MANBA: variants seen among roughly 807,000 people sequenced by gnomAD.
The protein encoded by MANBA is mannosidase beta.
Under a neutral mutation model 111.1 loss-of-function variants are expected in MANBA, and 83 were observed. That is an observed-to-expected ratio of 0.75 (90% CI 0.63 to 0.90). The LOEUF is 0.90. Among genes scored for constraint, MANBA ranks in the 40% least tolerant of loss-of-function variants. The pLI, the probability that MANBA is intolerant of heterozygous loss-of-function variation, is 0.00. For synonymous variants in MANBA, 370 were observed against 378.7 expected, an observed-to-expected ratio of 0.98 and a Z score of 0.27; for missense variants, 1,036 against 1,069.0, an observed-to-expected ratio of 0.97 and a Z score of 0.43.
chr4:102,655,447 A>G (rs1459565777), intron 12 of MANBA, among the ~76,000 whole-genome samples: 1 of 152,242 alleles, frequency 6.6e-6, no homozygotes, highest in Non-Finnish European at 1.5e-5. Context: ...AAGACAGTGC[A>G]TAGTGACATG....
chr4:102,730,599 G>C (rs540645461), intron 1 of MANBA: 3 of 541,544 alleles, frequency 5.5e-6, no homozygotes, highest in South Asian at 1.4e-5. Context: ...CACTCCCAAA[G>C]CCTGACAAGT....
chr4:102,708,494 A>C (rs1721855679), intron 5 of MANBA, among the ~76,000 whole-genome samples: 1 of 152,186 alleles, frequency 6.6e-6, no homozygotes, highest in African/African-American at 2.4e-5. Context: ...TATGGAATAC[A>C]GCAAAAGCAG....
rs572011736 is a variant in MANBA, at chr4:102,741,902, A to G, written c.178-15219T>C. Among the ~76,000 whole-genome samples the G allele has an allele frequency of 3.8e-3, 578 of 152,288 alleles. 1 individual carries two copies. The highest frequency in any genetic ancestry group is 6.0e-3 in the Non-Finnish European group (405 of 68,016). On this transcript the variant is annotated intron_variant, in intron 1 of 16. Coordinates refer to ENST00000647097, the MANE Select transcript of MANBA (RefSeq NM_005908.4). ...TCATGTTACCAAACAGCACCTCAGG[A>G]GGTCATGGTTTTTTTCCTGGTAAAG...
intron 11 of MANBA, among the ~76,000 whole-genome samples, chr4:102,661,324 T>TA (rs1312250320): frequency 1.3e-5 from 2 of 152,148 alleles, no homozygotes; most frequent in Non-Finnish European, 2.9e-5. Flanking sequence ...TTATAGCACT[T>TA]TTTTTAACTG....
intron 7 of MANBA, among the ~76,000 whole-genome samples, chr4:102,677,862 T>C (rs1451004110): frequency 6.6e-6 from 1 of 152,188 alleles, no homozygotes; most frequent in African/African-American, 2.4e-5. Context: ...ATAAGTCATA[T>C]ATAAAAACAG....
chr4:102,702,756 T>C (rs1049010659), intron 5 of MANBA, among the ~76,000 whole-genome samples: 2 of 151,876 alleles, frequency 1.3e-5, no homozygotes, highest in African/African-American at 4.9e-5. Flanking sequence ...GCCTTCTTTC[T>C]GTCATACACA....
intron 2 of MANBA, among the ~76,000 whole-genome samples, chr4:102,725,983 C>T (rs1184667816): frequency 4.6e-5 from 7 of 151,958 alleles, no homozygotes; most frequent in African/African-American, 7.3e-5. Context: ...AGAACCATTA[C>T]GAAAGATATT....
rs1490426078 is a variant in MANBA, at chr4:102,722,091, C to A, written c.549+780G>T. Among the ~76,000 whole-genome samples the A allele has an allele frequency of 2.0e-5, 3 of 148,526 alleles. No individual in the cohort carries two copies. The East Asian group carries it at 5.9e-4, about 29-fold the overall frequency. On this transcript the variant is annotated intron_variant, in intron 4 of 16. Coordinates refer to ENST00000647097, the MANE Select transcript of MANBA (RefSeq NM_005908.4). ...AGAGTAGAATGCTGGTTGCAAGGGG[C>A]TGGGGAGAAGGAAATGGAGAGCTAT...
chr4:102,736,414 C>T (rs918764274), intron 1 of MANBA, among the ~76,000 whole-genome samples: 1 of 152,200 alleles, frequency 6.6e-6, no homozygotes. Flanking sequence ...TCTCAGTAAG[C>T]TTCTGGACTC....
rs866312337 is a variant in MANBA, at chr4:102,709,436, A to G, written c.673+5002T>C. ...GAAAGAAAGAGAAAGAGAGAGAGAG[A>G]AAGGAAGGAAGGAAGGAAATAGTGA... is the stretch of plus-strand genomic sequence containing the variant. On this transcript the variant is annotated intron_variant, in intron 5 of 16. Transcript: ENST00000647097. Among the ~76,000 whole-genome samples the G allele has an allele frequency of 5.2e-3, 770 of 147,804 alleles. 20 individuals carry two copies. The highest frequency in any genetic ancestry group is 0.018 in the African/African-American group (736 of 39,810).
intron 7 of MANBA, among the ~76,000 whole-genome samples, chr4:102,678,786 T>G (rs1318139465): frequency 6.6e-6 from 1 of 152,166 alleles, no homozygotes; most frequent in African/African-American, 2.4e-5. Flanking sequence ...ATATCTGAAC[T>G]AAAGGGCCTA....
chr4:102,642,463 C>T (rs184070376), intron 13 of MANBA, among the ~76,000 whole-genome samples: 4 of 152,146 alleles, frequency 2.6e-5, no homozygotes, highest in East Asian at 3.9e-4. Context: ...AAAAATTAAC[C>T]GGACGTGGTG....
At chr4:102,721,145 G>A (rs111697021) in intron 4 of MANBA, among the ~76,000 whole-genome samples, 2,984 of 152,210 alleles carry the variant, frequency 0.02, 101 homozygotes, top group African/African-American at 0.066. Flanking sequence ...CCAACATGGC[G>A]AAACTCCGTC....
intron 12 of MANBA, among the ~76,000 whole-genome samples, chr4:102,653,657 C>A (rs143604299): frequency 6.6e-6 from 1 of 152,094 alleles, no homozygotes; most frequent in South Asian, 2.1e-4. Flanking sequence ...ACAAATGATT[C>A]ATAATGAGCA....
chr4:102,719,410 C>T (rs758286386), intron 4 of MANBA, among the ~76,000 whole-genome samples: 5 of 152,158 alleles, frequency 3.3e-5, no homozygotes, highest in Non-Finnish European at 5.9e-5. Flanking sequence ...GTGCACTGAT[C>T]ATATTGTTCA....
chr4:102,755,250 A>G (rs1723965531), intron 1 of MANBA, among the ~76,000 whole-genome samples: 1 of 152,236 alleles, frequency 6.6e-6, no homozygotes, highest in Non-Finnish European at 1.5e-5. Flanking sequence ...CCAAAACAGC[A>G]TGGTACTGGT....
At chr4:102,639,606 A>G in intron 14 of MANBA, 107 bp downstream of exon 14, 1 of 1,452,478 alleles carries the variant, frequency 6.9e-7, no homozygotes, top group Non-Finnish European at 9.6e-7. Context: ...TCTTTTGGTC[A>G]TAGTTCTGCC....
chr4:102,690,812 T>A (rs200768404), intron 5 of MANBA, 41 bp from the exon 6 acceptor site: 19 of 737,972 alleles, frequency 2.6e-5, no homozygotes, highest in African/African-American at 1.3e-4. Context: ...TATATATATA[T>A]AATATGCTAA....
intron 15 of MANBA, 151 bp downstream of exon 15, chr4:102,635,714 C>T: frequency 1.3e-6 from 1 of 749,202 alleles, no homozygotes; most frequent in Non-Finnish European, 2.2e-6. Context: ...TGCTTATGGT[C>T]ACATGATTAA....
Sources: allele counts gnomAD v4.1 joint callset (sites outside exome capture counted in the v4.1 genomes callset), GRCh38; gene constraint gnomAD v4.1.1; transcripts MANE v1.5; gene names NCBI Gene and HGNC (gene_info 2026-07-23, HGNC 2026-07-21).